MCCC2: variants seen among roughly 807,000 people sequenced by gnomAD.
The protein encoded by MCCC2 is methylcrotonoyl-CoA carboxylase beta chain, mitochondrial.
In MCCC2, 52 loss-of-function variants were observed where a neutral mutation model predicts 77.2. That is an observed-to-expected ratio of 0.67 (90% CI 0.54 to 0.85). MCCC2 has a LOEUF of 0.85. Among genes scored for constraint, MCCC2 ranks in the 40% least tolerant of loss-of-function variants. The pLI is 0.00. For synonymous variants in MCCC2, 253 were observed against 248.4 expected, an observed-to-expected ratio of 1.02 and a Z score of -0.18; for missense variants, 682 against 703.2, an observed-to-expected ratio of 0.97 and a Z score of 0.34.
At chr5:71,623,131 C>G (rs1466714579) in intron 6 of MCCC2, among the ~76,000 whole-genome samples, 1 of 152,222 alleles carries the variant, frequency 6.6e-6, no homozygotes, top group Admixed American at 6.5e-5. Flanking sequence ...AAGTCTGTCT[C>G]AAGTCTTCAG....
At chr5:71,588,416 C>T (rs1204087028) in intron 1 of MCCC2, among the ~76,000 whole-genome samples, 1 of 152,128 alleles carries the variant, frequency 6.6e-6, no homozygotes, top group Admixed American at 6.5e-5. Flanking sequence ...CACTGTGTTC[C>T]CACGATTTCT....
intron 8 of MCCC2, among the ~76,000 whole-genome samples, chr5:71,634,668 C>CG (rs1419535072): frequency 1.3e-5 from 2 of 152,104 alleles, no homozygotes; most frequent in African/African-American, 2.4e-5. Context: ...AAATAGAAGG[C>CG]GGGGGTTCTT....
At chr5:71,590,395 G>T (rs1358278241) in intron 1 of MCCC2, among the ~76,000 whole-genome samples, 1 of 152,214 alleles carries the variant, frequency 6.6e-6, no homozygotes, top group Non-Finnish European at 1.5e-5. Flanking sequence ...GTCAGCTTCA[G>T]TGGGTCAGTG....
In MCCC2 at chr5:71,587,434, C is replaced by G; in HGVS notation, c.9C>G (p.Ala3=). 6.5e-7 allele frequency: 1 copy of G among 1,534,670 alleles called. No homozygotes were observed. The highest frequency in any genetic ancestry group is 8.7e-7 in the Non-Finnish European group (1 of 1,146,244). ...GCTCGGTGCCCGCCGCCATGTGGGC[C>G]GTCCTGAGGTTAGCCCTGCGGCCGT... MW[A]VLRLALRPCA... The change falls in exon 1 of 17, where the codon GCC becomes GCG. Residue 3 remains alanine (A), a synonymous_variant. Transcript: ENST00000340941.
chr5:71,626,581 A>G (rs1746532121), intron 6 of MCCC2, 59 bp from the exon 7 acceptor site: 2 of 1,341,800 alleles, frequency 1.5e-6, no homozygotes. Context: ...TGGATCAAAC[A>G]CTATAGAAGT....
chr5:71,620,771 T>A (rs546515396), intron 6 of MCCC2, among the ~76,000 whole-genome samples: 13 of 152,316 alleles, frequency 8.5e-5, no homozygotes, highest in African/African-American at 3.1e-4. Context: ...GTGGAGGGGA[T>A]GACAAGTATT....
At chr5:71,619,536 C>T (rs1190638842) in intron 6 of MCCC2, among the ~76,000 whole-genome samples, 1 of 152,130 alleles carries the variant, frequency 6.6e-6, no homozygotes, top group Non-Finnish European at 1.5e-5. Context: ...GGATTACAGG[C>T]ATGAGCCAAT....
chr5:71,608,355 T>G (rs1745776004), intron 6 of MCCC2, among the ~76,000 whole-genome samples: 3 of 113,028 alleles, frequency 2.7e-5, no homozygotes, highest in Admixed American at 1.0e-4. Context: ...TCTTTTGATC[T>G]TTGTTGGTTT....
intron 6 of MCCC2, among the ~76,000 whole-genome samples, chr5:71,605,363 G>A (rs559377364): frequency 1.3e-3 from 196 of 151,430 alleles, no homozygotes; most frequent in Non-Finnish European, 3.8e-4. Flanking sequence ...TGTGTTTTTT[G>A]GCTGCATAAA....
chr5:71,646,814 C>T (rs1747286269), intron 13 of MCCC2, among the ~76,000 whole-genome samples: 1 of 152,232 alleles, frequency 6.6e-6, no homozygotes, highest in Non-Finnish European at 1.5e-5. Context: ...CAGAGAGCAT[C>T]ATGCTTTTCC....
At chr5:71,591,078 C>T (rs1744958375) in intron 1 of MCCC2, among the ~76,000 whole-genome samples, 1 of 152,078 alleles carries the variant, frequency 6.6e-6, no homozygotes. Context: ...GAAATCATGA[C>T]CCTCAGAGCT....
At chr5:71,602,472 A>C in intron 4 of MCCC2, 34 bp from the exon 5 acceptor site, 1 of 1,614,024 alleles carries the variant, frequency 6.2e-7, no homozygotes, top group Non-Finnish European at 8.5e-7. Context: ...GAAATCTCTT[A>C]AATTCTCTCT....
intron 1 of MCCC2, among the ~76,000 whole-genome samples, chr5:71,587,975 G>A (rs1165517851): frequency 1.3e-5 from 2 of 152,122 alleles, no homozygotes; most frequent in Admixed American, 1.3e-4. Context: ...GAGTTTAAAA[G>A]TTGATTATGA....
At position 71,610,068 on chromosome 5, in the gene MCCC2, G is replaced by A. The variant is rs936807806; in HGVS notation, c.624+5600G>A. On this transcript the variant is annotated intron_variant, in intron 6 of 16. Transcript: ENST00000340941. ...GAGGGGAGCCTACAGAGGCAGGCAG[G>A]CCTCCTTGAGCTGTGGTGGGCTCCA... Among the ~76,000 whole-genome samples, 16 of 152,372 alleles carry A rather than the reference G, an allele frequency of 1.1e-4. 1 individual carries two copies. Among genetic ancestry groups the A allele is most frequent in the African/African-American group, 3.6e-4 (15 of 41,596 alleles).
chr5:71,612,966 G>A (rs921674161), intron 6 of MCCC2, among the ~76,000 whole-genome samples: 2 of 152,174 alleles, frequency 1.3e-5, no homozygotes, highest in Non-Finnish European at 2.9e-5. Context: ...GGGACATTCT[G>A]TTCCTTTCCT....
At chr5:71,590,804 C>T (rs562049890) in intron 1 of MCCC2, among the ~76,000 whole-genome samples, 4 of 144,840 alleles carry the variant, frequency 2.8e-5, no homozygotes, top group African/African-American at 1.0e-4. Context: ...GCGACACGGC[C>T]AGACTCCGTC....
At chr5:71,611,409 A>T (rs1471123224) in intron 6 of MCCC2, among the ~76,000 whole-genome samples, 1 of 152,222 alleles carries the variant, frequency 6.6e-6, no homozygotes, top group African/African-American at 2.4e-5. Flanking sequence ...CTCACAAAAG[A>T]AAAAGAAAAG....
At chr5:71,622,518 T>C (rs1279396803) in intron 6 of MCCC2, among the ~76,000 whole-genome samples, 2 of 152,112 alleles carry the variant, frequency 1.3e-5, no homozygotes, top group African/African-American at 4.8e-5. Context: ...ATTCACAGAG[T>C]TGAATGAATC....
intron 6 of MCCC2, among the ~76,000 whole-genome samples, chr5:71,626,420 A>T (rs1746528312): frequency 6.6e-6 from 1 of 152,190 alleles, no homozygotes; most frequent in Non-Finnish European, 1.5e-5. Flanking sequence ...ATTGTCCATA[A>T]GTTTTGTAAA....
Sources: allele counts gnomAD v4.1 joint callset (sites outside exome capture counted in the v4.1 genomes callset), GRCh38; gene constraint gnomAD v4.1.1; transcripts MANE v1.5; gene names NCBI Gene and HGNC (gene_info 2026-07-23, HGNC 2026-07-21).